Variants in AGBL4 observed in about 807,000 individuals in gnomAD.
AGBL4 encodes cytosolic carboxypeptidase 6.
Under a neutral mutation model 66.4 loss-of-function variants are expected in AGBL4, and 58 were observed. That is an observed-to-expected ratio of 0.87 (90% confidence interval 0.71 to 1.09). The LOEUF (loss-of-function observed/expected upper bound fraction) is 1.09. AGBL4 is among the 50% of genes least tolerant of loss of function. AGBL4 has a pLI of 0.00. For missense variants in AGBL4, 579 were observed against 631.0 expected (o/e 0.92, Z 0.88); for synonymous variants, 234 against 222.9 (o/e 1.05, Z -0.44).
At chr1:49,867,823 A>G (rs890430808) in intron 1 of AGBL4, among the ~76,000 whole-genome samples, 37 of 152,190 alleles carry the variant, frequency 2.4e-4, no homozygotes, top group African/African-American at 8.7e-4. Flanking sequence ...ATAAGTCTGC[A>G]AAATAACCAA....
intron 2 of AGBL4, among the ~76,000 whole-genome samples, chr1:49,760,399 G>T (rs1652216524): frequency 6.6e-6 from 1 of 152,052 alleles, no homozygotes; most frequent in Admixed American, 6.6e-5. Flanking sequence ...GTATTATGCG[G>T]CCAACACATG....
At chr1:49,592,697 C>T (rs1644774603) in intron 3 of AGBL4, among the ~76,000 whole-genome samples, 1 of 152,182 alleles carries the variant, frequency 6.6e-6, no homozygotes, top group African/African-American at 2.4e-5. Flanking sequence ...GATATCATCT[C>T]ACACAAGTCA....
intron 1 of AGBL4, among the ~76,000 whole-genome samples, chr1:50,011,217 G>T (rs1661506563): frequency 6.6e-6 from 1 of 152,102 alleles, no homozygotes; most frequent in Non-Finnish European, 1.5e-5. Flanking sequence ...GATCAAAAAT[G>T]GGCAAAATAT....
chr1:49,495,709 C>T (rs1647491011), intron 3 of AGBL4, among the ~76,000 whole-genome samples: 1 of 151,780 alleles, frequency 6.6e-6, no homozygotes, highest in Admixed American at 6.6e-5. Context: ...AAACTTTTTC[C>T]TTTTATCTTC....
intron 3 of AGBL4, among the ~76,000 whole-genome samples, chr1:49,658,483 T>A (rs1226033136): frequency 1.3e-5 from 2 of 152,144 alleles, no homozygotes; most frequent in Non-Finnish European, 2.9e-5. Context: ...AGAAATACCA[T>A]TTGACCCAGC....
chr1:48,905,351 T>A (rs2148873988), intron 5 of AGBL4, among the ~76,000 whole-genome samples: 1 of 152,338 alleles, frequency 6.6e-6, no homozygotes, highest in Non-Finnish European at 1.5e-5. Context: ...ATTGCAACAA[T>A]GTTTGGTAAC....
At chr1:49,246,839 T>C (rs1003845422) in intron 3 of AGBL4, among the ~76,000 whole-genome samples, 2 of 152,030 alleles carry the variant, frequency 1.3e-5, no homozygotes, top group African/African-American at 4.8e-5. Flanking sequence ...GGCTAGCCTT[T>C]CTTTCCAGGG....
At chr1:49,517,218 T>G (rs990354960) in intron 3 of AGBL4, among the ~76,000 whole-genome samples, 34 of 151,218 alleles carry the variant, frequency 2.2e-4, no homozygotes, top group Admixed American at 6.6e-5. Context: ...AGTATTGAAC[T>G]AATGTATCTA....
intron 3 of AGBL4, among the ~76,000 whole-genome samples, chr1:49,370,890 C>T (rs1644326946): frequency 6.6e-6 from 1 of 152,162 alleles, no homozygotes; most frequent in African/African-American, 2.4e-5. Flanking sequence ...ACATTTAAGT[C>T]AGTGAACTTT....
chr1:48,599,173 T>C (rs754584593), intron 9 of AGBL4, among the ~76,000 whole-genome samples: 51 of 152,198 alleles, frequency 3.4e-4, no homozygotes, highest in Non-Finnish European at 1.8e-4. Flanking sequence ...CAATCCCTTC[T>C]CGTGGAACAC....
At chr1:49,085,933 G>C (rs1226933659) in intron 4 of AGBL4, among the ~76,000 whole-genome samples, 2 of 152,152 alleles carry the variant, frequency 1.3e-5, no homozygotes, top group Non-Finnish European at 2.9e-5. Context: ...GATCAGCGTT[G>C]GTGTCATCAC....
chr1:48,840,402 G>T (rs1278779392), intron 6 of AGBL4, among the ~76,000 whole-genome samples: 1 of 152,062 alleles, frequency 6.6e-6, no homozygotes, highest in Non-Finnish European at 1.5e-5. Context: ...CTTTTAAAAT[G>T]GAATAATTAA....
intron 3 of AGBL4, among the ~76,000 whole-genome samples, chr1:49,337,484 G>A (rs1349435983): frequency 6.6e-6 from 1 of 152,186 alleles, no homozygotes; most frequent in Non-Finnish European, 1.5e-5. Context: ...TTGGCAGTCA[G>A]GATTGTCAGT....
chr1:49,987,658 C>T (rs1293717102), intron 1 of AGBL4, among the ~76,000 whole-genome samples: 2 of 151,988 alleles, frequency 1.3e-5, no homozygotes, highest in South Asian at 2.1e-4. Flanking sequence ...CCACTGAATT[C>T]ATACTTTATT....
chr1:49,033,241 C>G (rs769912361), intron 5 of AGBL4, among the ~76,000 whole-genome samples: 8 of 152,078 alleles, frequency 5.3e-5, no homozygotes, highest in Admixed American at 3.9e-4. Context: ...AAAACCACTA[C>G]ACTTGTTTAA....
intron 2 of AGBL4, among the ~76,000 whole-genome samples, chr1:49,709,338 G>A (rs140752002): frequency 3.6e-4 from 55 of 152,244 alleles, no homozygotes; most frequent in Middle Eastern, 3.4e-3. Flanking sequence ...TGAACTTCCC[G>A]GAGGCTGTGT....
At chr1:49,838,639 A>T (rs1645912413) in intron 2 of AGBL4, among the ~76,000 whole-genome samples, 1 of 152,208 alleles carries the variant, frequency 6.6e-6, no homozygotes, top group Non-Finnish European at 1.5e-5. Flanking sequence ...GAGCATGAAG[A>T]ATAAAAACAT....
At chr1:49,556,772 G>A (rs181986484) in intron 3 of AGBL4, among the ~76,000 whole-genome samples, 2 of 152,118 alleles carry the variant, frequency 1.3e-5, no homozygotes, top group East Asian at 3.9e-4. Context: ...GAGGTCCGTC[G>A]GGAAGGCTCG....
intron 6 of AGBL4, chr1:48,761,139 A>T (rs1644236579): frequency 3.5e-6 from 2 of 573,976 alleles, no homozygotes; most frequent in East Asian, 6.1e-5. Context: ...GCACAGCATG[A>T]ATCAGGGCTC....
Sources: allele counts gnomAD v4.1 joint callset (sites outside exome capture counted in the v4.1 genomes callset), GRCh38; gene constraint gnomAD v4.1.1; transcripts MANE v1.5; gene names NCBI Gene and HGNC (gene_info 2026-07-23, HGNC 2026-07-21).